The following STPG2 variants were observed in gnomAD, a reference collection of about 807,000 sequenced individuals.
The protein encoded by STPG2 is sperm-tail PG-rich repeat-containing protein 2.
STPG2 carries 56 observed loss-of-function variants against 54.2 expected under a neutral mutation model. The observed-to-expected ratio is 1.03, with a 90% CI of 0.83 to 1.29. The LOEUF is 1.29. Ranked by LOEUF, STPG2 falls within the 50% of genes most tolerant of loss-of-function variation. The probability of loss-of-function intolerance (pLI) is 0.00; values close to 1 mark genes in which losing one functional copy is unlikely to be tolerated. For missense variants in STPG2, 596 were observed against 544.9 expected (o/e 1.09, Z -0.93); for synonymous variants, 200 against 181.8 (o/e 1.10, Z -0.81).
intron 8 of STPG2, among the ~76,000 whole-genome samples, chr4:97,865,888 T>C (rs1368897707): frequency 1.3e-5 from 2 of 151,746 alleles, no homozygotes; most frequent in Non-Finnish European, 2.9e-5. Flanking sequence ...ATGTGGTACA[T>C]ATATAGAATG....
intron 8 of STPG2, among the ~76,000 whole-genome samples, chr4:97,931,492 T>C (rs1043733483): frequency 6.6e-6 from 1 of 152,226 alleles, no homozygotes; most frequent in Admixed American, 6.5e-5. Context: ...CATTATCAAT[T>C]TGCATATGTT....
intron 10 of STPG2, among the ~76,000 whole-genome samples, chr4:97,578,102 C>CTTTTT (rs10571752): frequency 8.6e-6 from 1 of 115,982 alleles, no homozygotes; most frequent in Non-Finnish European, 1.8e-5. Flanking sequence ...TTCTTTCTTT[C>CTTTTT]TTTTTTTTTT....
chr4:97,563,701 G>T (rs1732330945), intron 10 of STPG2, among the ~76,000 whole-genome samples: 1 of 152,172 alleles, frequency 6.6e-6, no homozygotes, highest in Admixed American at 6.5e-5. Flanking sequence ...TATGTACCCA[G>T]TAGTCATTCA....
chr4:97,836,842 A>G (rs1012766386), intron 9 of STPG2, among the ~76,000 whole-genome samples: 7 of 149,480 alleles, frequency 4.7e-5, no homozygotes, highest in African/African-American at 9.8e-5. Context: ...TATTAACAAT[A>G]TTTAATTAAT....
rs1031595020 is a variant in STPG2, at chr4:98,037,075, G to A, written c.613-55757C>T. Among the ~76,000 whole-genome samples the A allele has an allele frequency of 5.3e-5, 8 of 151,988 alleles. No individual in the cohort carries two copies. In the East Asian group the frequency reaches 1.2e-3, roughly 22 times the overall value. On this transcript the variant is annotated intron_variant, in intron 5 of 10. Coordinates refer to ENST00000295268, the MANE Select transcript of STPG2 (RefSeq NM_174952.3). ...TATCTCTCCCAAGAAGAAACACCCA[G>A]GCCCAGGTAGTTTTATAAACAATTT...
intron 5 of STPG2, among the ~76,000 whole-genome samples, chr4:98,052,087 CAAAA>C (rs5860519): frequency 6.3e-4 from 74 of 117,768 alleles, no homozygotes; most frequent in Admixed American, 1.2e-3. Context: ...AACTCTGTCT[CAAAA>C]AAAAAAAAAA....
At chr4:97,717,454 A>T (rs556212424) in intron 9 of STPG2, among the ~76,000 whole-genome samples, 13 of 152,176 alleles carry the variant, frequency 8.5e-5, no homozygotes, top group Non-Finnish European at 1.5e-4. Context: ...GCACCTGTTA[A>T]AACATGTGTT....
At chr4:97,876,682 A>G (rs1730183147) in intron 8 of STPG2, among the ~76,000 whole-genome samples, 1 of 152,082 alleles carries the variant, frequency 6.6e-6, no homozygotes, top group Non-Finnish European at 1.5e-5. Flanking sequence ...ATTTTTTAAA[A>G]AGTTTTTTTA....
chr4:97,558,969 C>T lies in STPG2; in HGVS notation c.*89G>A. ...AAGTGAAAATTATGCTTTTATTACT[C>T]CTATATTTGGAATAAATTTTGTTAA... On this transcript the variant is annotated 3_prime_UTR_variant, in exon 11 of 11. Transcript: ENST00000295268. 9.4e-7 allele frequency: 1 copy of T among 1,059,372 alleles called. No individual in the cohort carries two copies. The allele number at this position is 1,059,372 out of a possible 1,614,324, so 65.6% of individuals were successfully genotyped here. A position where few individuals can be genotyped will look rare whatever the true frequency, so the allele number is the denominator to read the frequency against.
chr4:97,587,391 C>G (rs1296213716), intron 10 of STPG2, among the ~76,000 whole-genome samples: 2 of 151,826 alleles, frequency 1.3e-5, no homozygotes, highest in African/African-American at 2.4e-5. Flanking sequence ...AGATAACATT[C>G]AATAATATTC....
intron 8 of STPG2, among the ~76,000 whole-genome samples, chr4:97,886,123 G>A (rs1730560652): frequency 6.6e-6 from 1 of 151,998 alleles, no homozygotes; most frequent in Admixed American, 6.6e-5. Context: ...ATCTTCTTGA[G>A]GAAAAAAATT....
chr4:97,778,125 C>T (rs1726442496), intron 9 of STPG2, among the ~76,000 whole-genome samples: 1 of 152,064 alleles, frequency 6.6e-6, no homozygotes, highest in South Asian at 2.1e-4. Flanking sequence ...CATCGACTCA[C>T]CTGGGAAGCG....
chr4:97,528,514 A>AT (rs888542643), intron 4 of STPG2, among the ~76,000 whole-genome samples: 58 of 152,094 alleles, frequency 3.8e-4, no homozygotes, highest in African/African-American at 1.1e-3. Context: ...AATTTAAAGT[A>AT]TTTTTTTCCA....
chr4:97,836,756 T>C (rs543889899), intron 9 of STPG2, among the ~76,000 whole-genome samples: 3 of 151,606 alleles, frequency 2.0e-5, no homozygotes, highest in South Asian at 2.1e-4. Context: ...TTAAATGTCT[T>C]ATACTTGAAA....
At chr4:98,005,250 G>T (rs1735540794) in intron 5 of STPG2, among the ~76,000 whole-genome samples, 1 of 152,220 alleles carries the variant, frequency 6.6e-6, no homozygotes, top group South Asian at 2.1e-4. Flanking sequence ...CAGATTAGGG[G>T]TGGGTCTGCC....
At chr4:97,844,911 C>T (rs1728904137) in intron 8 of STPG2, among the ~76,000 whole-genome samples, 1 of 151,764 alleles carries the variant, frequency 6.6e-6, no homozygotes, top group South Asian at 2.1e-4. Context: ...ATCTATCTTT[C>T]AGTTAATTAA....
At chr4:97,666,478 AG>A (rs1722529891) in intron 10 of STPG2, among the ~76,000 whole-genome samples, 1 of 152,228 alleles carries the variant, frequency 6.6e-6, no homozygotes. Flanking sequence ...CTGATGTTAA[AG>A]GATCAATAAG....
At chr4:97,886,464 G>T (rs1291868397) in intron 8 of STPG2, among the ~76,000 whole-genome samples, 1 of 152,008 alleles carries the variant, frequency 6.6e-6, no homozygotes, top group Non-Finnish European at 1.5e-5. Flanking sequence ...AAATCTAAGG[G>T]AACAAAATTC....
intron 5 of STPG2, among the ~76,000 whole-genome samples, chr4:98,059,685 T>A: frequency 6.7e-6 from 1 of 148,824 alleles, no homozygotes; most frequent in Admixed American, 6.7e-5. Flanking sequence ...GCAAATGGGA[T>A]CCAGAAGCAC....
Sources: allele counts gnomAD v4.1 joint callset (sites outside exome capture counted in the v4.1 genomes callset), GRCh38; gene constraint gnomAD v4.1.1; transcripts MANE v1.5; gene names NCBI Gene and HGNC (gene_info 2026-07-23, HGNC 2026-07-21).